The following PLA2G4E variants were observed in gnomAD, a reference collection of about 807,000 sequenced individuals.
The protein encoded by PLA2G4E is cytosolic phospholipase A2 epsilon.
PLA2G4E carries 84 observed loss-of-function variants against 109.1 expected under a neutral mutation model. The observed-to-expected ratio is 0.77, with a 90% CI of 0.65 to 0.92. The LOEUF (loss-of-function observed/expected upper bound fraction) is 0.92, where lower values mean the gene tolerates loss of function less well. Among genes scored for constraint, PLA2G4E ranks in the 40% least tolerant of loss-of-function variants. The probability of loss-of-function intolerance (pLI) is 0.00; values close to 1 mark genes in which losing one functional copy is unlikely to be tolerated. For synonymous variants in PLA2G4E, 469 were observed against 436.1 expected (o/e 1.08, Z -0.94); for missense variants, 1,057 against 1,076.6 (o/e 0.98, Z 0.25).
intron 14 of PLA2G4E, 74 bp from the exon 15 acceptor site, chr15:41,989,626 C>A: frequency 6.5e-7 from 1 of 1,532,220 alleles, no homozygotes; most frequent in South Asian, 1.2e-5. Flanking sequence ...CCCCCTCCTG[C>A]CTGCAGCCAC....
intron 1 of PLA2G4E, among the ~76,000 whole-genome samples, chr15:42,030,119 G>A (rs1889087473): frequency 6.6e-6 from 1 of 152,126 alleles, no homozygotes; most frequent in Admixed American, 6.5e-5. Context: ...CAGGTGAGGT[G>A]GCATGAGTAA....
chr15:41,983,992 A>G lies in PLA2G4E; in HGVS notation c.2387-18T>C. On this transcript the variant is annotated intron_variant, in intron 19 of 19. Transcript: ENST00000399518. Reference sequence around the variant, plus strand: ...CTCTACACCTGTGGGCAGCAGGATGACTTGTTATAGACTCTGTCATGTTAG... The same window carrying G: ...CTCTACACCTGTGGGCAGCAGGATGGCTTGTTATAGACTCTGTCATGTTAG... The G allele has an allele frequency of 6.3e-7, 1 of 1,581,864 alleles. No homozygotes were observed. The highest frequency in any genetic ancestry group is 8.6e-7 in the Non-Finnish European group (1 of 1,161,564).
chr15:42,047,689 C>A (rs1889438919), intron 1 of PLA2G4E, among the ~76,000 whole-genome samples: 2 of 152,166 alleles, frequency 1.3e-5, no homozygotes, highest in African/African-American at 4.8e-5. Context: ...CTACATGTCC[C>A]CCATTCATAC....
chr15:42,005,244 T>G (rs1168205583), intron 4 of PLA2G4E, among the ~76,000 whole-genome samples: 1 of 152,144 alleles, frequency 6.6e-6, no homozygotes, highest in Non-Finnish European at 1.5e-5. Flanking sequence ...CCCGAGAGCA[T>G]CTCCTTTCTG....
intron 1 of PLA2G4E, among the ~76,000 whole-genome samples, chr15:42,039,399 G>C (rs1011494404): frequency 6.6e-6 from 1 of 152,168 alleles, no homozygotes. Context: ...GAACTATAGA[G>C]AGAATGTACC....
intron 13 of PLA2G4E, among the ~76,000 whole-genome samples, chr15:41,991,450 G>T (rs568466703): frequency 6.6e-6 from 1 of 150,406 alleles, no homozygotes; most frequent in East Asian, 2.0e-4. Flanking sequence ...TCCCAAGGCC[G>T]ATGCCCTTGG....
Position 41,985,850 on chromosome 15 carries a change from AC to A in PLA2G4E, c.2190del (p.Ser731ProfsTer6). 1 of 1,610,700 alleles carries A rather than the reference AC, an allele frequency of 6.2e-7. No homozygotes were observed. Among genetic ancestry groups the A allele is most frequent in the Non-Finnish European group, 8.5e-7 (1 of 1,178,682 alleles). ...GGCTGCGCACTTGCCTTTGTCTGGGACCCAGCACAGTAGTTGAGGTGGATGA... is the reference window on the plus strand; with the variant it reads ...GGCTGCGCACTTGCCTTTGTCTGGGACCAGCACAGTAGTTGAGGTGGATGA... On this transcript the variant is annotated frameshift_variant, in exon 18 of 20. Transcript: ENST00000399518. LOFTEE classifies it high-confidence loss of function.
At chr15:42,032,658 A>G (rs1425915062) in intron 1 of PLA2G4E, among the ~76,000 whole-genome samples, 1 of 152,244 alleles carries the variant, frequency 6.6e-6, no homozygotes, top group Non-Finnish European at 1.5e-5. Context: ...AAGTGGCCTT[A>G]GAGGCCTTTC....
intron 4 of PLA2G4E, among the ~76,000 whole-genome samples, chr15:42,005,628 C>T (rs1704364): frequency 0.52 from 79,531 of 152,096 alleles, 21,789 homozygotes; most frequent in Non-Finnish European, 0.61. Context: ...CTGGGGCCAT[C>T]CCAGCAATGG....
rs542454227 is a variant in PLA2G4E, at chr15:42,047,924, G to A, written c.183+2597C>T. Among the ~76,000 whole-genome samples the A allele has an allele frequency of 5.3e-5, 8 of 152,100 alleles. No homozygotes were observed. The South Asian group carries it at 6.2e-4, about 12-fold the overall frequency. The stretch of plus-strand genomic sequence containing the variant: ...TATTATTTAGCCACTAAAATGATAC[G>A]AAGTTTAGGTAGCAAGATAGAAAAT... On this transcript the variant is annotated intron_variant, in intron 1 of 19. Coordinates refer to ENST00000399518, the Ensembl canonical transcript of PLA2G4E.
At chr15:42,017,064 C>G (rs563557128) in intron 1 of PLA2G4E, among the ~76,000 whole-genome samples, 8 of 152,342 alleles carry the variant, frequency 5.3e-5, no homozygotes, top group Admixed American at 5.2e-4. Flanking sequence ...TACCCACCGG[C>G]CCACTTTCTC....
intron 16 of PLA2G4E, 70 bp from the exon 17 acceptor site, chr15:41,987,445 C>T: frequency 1.4e-6 from 2 of 1,464,798 alleles, no homozygotes; most frequent in Non-Finnish European, 1.9e-6. Context: ...TGCGAAGCCC[C>T]ACATGGTTGC....
intron 2 of PLA2G4E, among the ~76,000 whole-genome samples, 170 bp from the exon 3 acceptor site, chr15:42,008,035 T>C (rs780831917): frequency 3.1e-4 from 47 of 152,206 alleles, no homozygotes; most frequent in Non-Finnish European, 5.3e-4. Context: ...AAGTCACAGA[T>C]TGCAGGCTGT....
At chr15:42,023,192 A>G (rs771025653) in intron 1 of PLA2G4E, among the ~76,000 whole-genome samples, 22 of 151,812 alleles carry the variant, frequency 1.4e-4, no homozygotes, top group Non-Finnish European at 2.8e-4. Context: ...AGGCTTTGTG[A>G]AAGAACAAAT....
At chr15:42,026,307 G>A (rs984015566) in intron 1 of PLA2G4E, among the ~76,000 whole-genome samples, 10 of 152,132 alleles carry the variant, frequency 6.6e-5, no homozygotes, top group African/African-American at 2.4e-4. Flanking sequence ...GGCACCACAA[G>A]TCAATGGGAA....
chr15:42,028,441 C>G (rs1264606965), intron 1 of PLA2G4E, among the ~76,000 whole-genome samples: 1 of 152,028 alleles, frequency 6.6e-6, no homozygotes, highest in South Asian at 2.1e-4. Context: ...GAGTCTCACT[C>G]TGTTGCCCAG....
chr15:42,001,224 T>TA lies in PLA2G4E; in HGVS notation c.610-5dup. On this transcript the variant is annotated splice_polypyrimidine_tract_variant and splice_region_variant and intron_variant, in intron 6 of 19. Coordinates refer to ENST00000399518, the Ensembl canonical transcript of PLA2G4E. Reference sequence around the variant, plus strand: ...CCAGGCAGGAGACTTGTCGAGACTGTAAAAAACAAAGGAGGGTCACAGAGT... The same window carrying TA: ...CCAGGCAGGAGACTTGTCGAGACTGTAAAAAAACAAAGGAGGGTCACAGAGT... 6.2e-7 allele frequency: 1 copy of TA among 1,611,908 alleles called. No homozygotes were observed. Among genetic ancestry groups the TA allele is most frequent in the Non-Finnish European group, 8.5e-7 (1 of 1,178,138 alleles).
intron 2 of PLA2G4E, chr15:42,009,729 A>G (rs576024126): frequency 2.4e-5 from 4 of 166,186 alleles, no homozygotes; most frequent in Non-Finnish European, 5.2e-5. Context: ...CACCGTTTAG[A>G]CTCCAGCCAA....
rs147545640 is a variant in PLA2G4E, at chr15:42,000,891, G to A, written c.673+266C>T. ...CTGGCATGGCACAGCACAGACAAGC[G>A]TGGATAGAGGGAGCAGCACTGGGAC... On this transcript the variant is annotated intron_variant, in intron 7 of 19. Transcript: ENST00000399518. Among the ~76,000 whole-genome samples, 872 of 152,304 alleles carry A rather than the reference G, an allele frequency of 5.7e-3. 10 individuals carry two copies. The highest frequency in any genetic ancestry group is 0.02 in the African/African-American group (813 of 41,556).
Sources: gnomAD v4.1 joint callset for allele counts (sites outside exome capture counted in the v4.1 genomes callset) on GRCh38, gnomAD v4.1.1 for gene constraint, MANE v1.5 for transcripts, NCBI Gene and HGNC (gene_info 2026-07-23, HGNC 2026-07-21) for gene names.